The following OGDHL variants were observed in gnomAD, a reference collection of about 807,000 sequenced individuals.
OGDHL encodes the protein oxoglutarate dehydrogenase L.
In OGDHL, 79 loss-of-function variants were observed where a neutral mutation model predicts 109.6. The observed-to-expected ratio is 0.72, with a 90% CI of 0.60 to 0.87. The LOEUF (loss-of-function observed/expected upper bound fraction) is 0.87. Ranked by LOEUF, OGDHL falls within the 40% of genes least tolerant of loss-of-function variation. OGDHL has a pLI of 0.00. For missense variants in OGDHL, 1,275 were observed against 1,362.2 expected (o/e 0.94, Z 1.01); for synonymous variants, 528 against 537.2 (o/e 0.98, Z 0.24).
At chr10:49,744,146 C>T (rs1356243638) in intron 13 of OGDHL, 24 bp from the exon 14 acceptor site, 2 of 1,611,206 alleles carry the variant, frequency 1.2e-6, no homozygotes, top group African/African-American at 1.3e-5. Context: ...AGGCTCTGTC[C>T]ACACTGTGTC....
At chr10:49,750,721 C>CCCA in intron 7 of OGDHL, 118 bp downstream of exon 7, 1 of 1,358,038 alleles carries the variant, frequency 7.4e-7, no homozygotes. Context: ...TTCCAGGAAA[C>CCCA]CCACCTCTAC....
chr10:49,742,777 C>T, intron 15 of OGDHL, 51 bp downstream of exon 15: 1 of 1,574,990 alleles, frequency 6.3e-7, no homozygotes. Context: ...AAGCCAGGCC[C>T]AGCTTCTGCT....
At chr10:49,749,879 C>G (rs1049193963) in intron 7 of OGDHL, 63 bp from the exon 8 acceptor site, 54 of 1,415,336 alleles carry the variant, frequency 3.8e-5, no homozygotes, top group South Asian at 2.5e-4. Context: ...TTCCCTCCCC[C>G]ACTGTGGAGG....
chr10:49,749,856 G>T lies in OGDHL; in HGVS notation c.897-40C>A, dbSNP rs199705898. 17 of 1,529,452 alleles carry T rather than the reference G, an allele frequency of 1.1e-5. No individual in the cohort carries two copies. The East Asian group carries it at 3.3e-4, about 30-fold the overall frequency. The allele number at this position is 1,529,452 out of a possible 1,614,324, so 94.7% of individuals were successfully genotyped here. A position where few individuals can be genotyped will look rare whatever the true frequency, so the allele number is the denominator to read the frequency against. ...GCCGGGCTCTCACCTGGCAAAGCCC[G>T]CAGGCCTCAGGGTTCCCTCCCCCAC... On this transcript the variant is annotated intron_variant, in intron 7 of 22. Transcript: ENST00000374103.
In OGDHL at chr10:49,745,413, C is replaced by A; in HGVS notation, c.1560G>T (p.Gln520His). ...QPLMYKQIHR[Q>H]VPVLKKYADK... Reference sequence around the variant, plus strand: ...CTGCGTACTTCTTCAGCACAGGCACCTGTCTGTGGATCTGCTTGTACATGA... The same window carrying A: ...CTGCGTACTTCTTCAGCACAGGCACATGTCTGTGGATCTGCTTGTACATGA... Residue 520 changes from glutamine to histidine, a missense_variant, in exon 12 of 23, where the codon CAG (glutamine) becomes CAT (histidine). Transcript: ENST00000374103. 26 of 1,614,120 alleles carry A rather than the reference C, an allele frequency of 1.6e-5. No homozygotes were observed. The highest frequency in any genetic ancestry group is 2.2e-5 in the Non-Finnish European group (26 of 1,180,026).
intron 1 of OGDHL, among the ~76,000 whole-genome samples, chr10:49,759,613 C>T (rs1470745715): frequency 6.6e-6 from 1 of 150,544 alleles, no homozygotes; most frequent in African/African-American, 2.4e-5. Flanking sequence ...TCCCAGATCA[C>T]CCCATACCCC....
chr10:49,756,767 G>A lies in OGDHL; in HGVS notation c.375+9C>T, dbSNP rs1842941483. On this transcript the variant is annotated intron_variant, in intron 3 of 22. Coordinates refer to ENST00000374103, the MANE Select transcript of OGDHL (RefSeq NM_018245.3). The stretch of plus-strand genomic sequence containing the variant: ...CAGCCTCCCAGGCTGTGCCTCAGCT[G>A]CCCCTCACCTGGTAGGCCCGGATCA... 1.2e-6 allele frequency: 2 copies of A among 1,609,978 alleles called. No homozygotes were observed. The highest frequency in any genetic ancestry group is 8.5e-7 in the Non-Finnish European group (1 of 1,177,844).
At chr10:49,744,268 G>T in intron 13 of OGDHL, 146 bp from the exon 14 acceptor site, 1 of 1,036,682 alleles carries the variant, frequency 9.6e-7, no homozygotes, top group Non-Finnish European at 1.4e-6. Flanking sequence ...CTTGGGACCT[G>T]GGACAGCTGG....
At chr10:49,758,231 G>A (rs1465629764) in intron 2 of OGDHL, among the ~76,000 whole-genome samples, 158 bp downstream of exon 2, 1 of 152,234 alleles carries the variant, frequency 6.6e-6, no homozygotes, top group African/African-American at 2.4e-5. Context: ...TCAGCAAAGG[G>A]AAAGCAACAG....
intron 3 of OGDHL, among the ~76,000 whole-genome samples, chr10:49,753,427 T>C (rs1435688007): frequency 1.3e-5 from 2 of 152,142 alleles, no homozygotes; most frequent in African/African-American, 4.8e-5. Context: ...TAAAACAAAA[T>C]TAAGTCTTAA....
At chr10:49,742,324 CCA>C (rs773537717) in intron 15 of OGDHL, among the ~76,000 whole-genome samples, 8 of 129,528 alleles carry the variant, frequency 6.2e-5, no homozygotes, top group Non-Finnish European at 1.3e-4. Flanking sequence ...ACCACAAACA[CCA>C]CACACGACAC....
intron 15 of OGDHL, among the ~76,000 whole-genome samples, chr10:49,741,871 CACCACACAT>C (rs770931902): frequency 4.0e-5 from 6 of 148,598 alleles, no homozygotes; most frequent in Non-Finnish European, 7.4e-5. Flanking sequence ...ACACTACACA[CACCACACAT>C]ACCACACACA....
intron 1 of OGDHL, 97 bp downstream of exon 1, chr10:49,762,142 C>G (rs1393410315): frequency 6.5e-6 from 1 of 153,526 alleles, no homozygotes; most frequent in East Asian, 1.9e-4. Context: ...GCAGCGGCGC[C>G]CCAGGACCCA....
At position 49,749,593 on chromosome 10, in the gene OGDHL, C is replaced by G. The variant is rs1215783237; in HGVS notation, c.987+133G>C. The G allele has an allele frequency of 9.2e-6, 7 of 758,884 alleles. No individual in the cohort carries two copies. In the African/African-American group the frequency reaches 1.2e-4, roughly 13 times the overall value. 47.0% of individuals were successfully genotyped at this position (758,884 alleles called of 1,614,324 possible). A position where few individuals can be genotyped will look rare whatever the true frequency, so the allele number is the denominator to read the frequency against. On this transcript the variant is annotated intron_variant, in intron 8 of 22. Transcript: ENST00000374103. The stretch of plus-strand genomic sequence containing the variant: ...GTCCTCAGGCAAACACCCAGCCTCT[C>G]TCCTGCAGGCTTCTCCAATGCATCC...
At chr10:49,737,666 T>C (rs1754252834) in intron 20 of OGDHL, 120 bp downstream of exon 20, 3 of 1,068,694 alleles carry the variant, frequency 2.8e-6, no homozygotes, top group African/African-American at 1.6e-5. Flanking sequence ...TGCCAGGAGC[T>C]GCTGCAGGTC....
intron 13 of OGDHL, 51 bp from the exon 14 acceptor site, chr10:49,744,173 C>G (rs1206887624): frequency 3.1e-6 from 5 of 1,596,304 alleles, no homozygotes; most frequent in East Asian, 4.5e-5. Flanking sequence ...GGGTTCTGAT[C>G]CCCCTGGCCA....
In OGDHL at chr10:49,735,021, A is replaced by C; in HGVS notation, c.*207T>G. 1 of 531,602 alleles carries C rather than the reference A, an allele frequency of 1.9e-6. No homozygotes were observed. The allele number at this position is 531,602 out of a possible 1,614,324, so 32.9% of individuals were successfully genotyped here. ...GATGCTCCAGCACAGTAGCCTGCCT[A>C]TAGGACTCCTCTGGCTCCCTCAGTC... On this transcript the variant is annotated 3_prime_UTR_variant, in exon 23 of 23. Coordinates refer to ENST00000374103, the MANE Select transcript of OGDHL (RefSeq NM_018245.3).
At chr10:49,754,151 A>G (rs1025022861) in intron 3 of OGDHL, among the ~76,000 whole-genome samples, 2 of 152,206 alleles carry the variant, frequency 1.3e-5, no homozygotes. Flanking sequence ...CAATAGCAGG[A>G]AACAGCCAGA....
At chr10:49,755,106 T>C (rs1363536454) in intron 3 of OGDHL, among the ~76,000 whole-genome samples, 1 of 152,152 alleles carries the variant, frequency 6.6e-6, no homozygotes, top group Non-Finnish European at 1.5e-5. Context: ...CAGCCAGGCG[T>C]GGTGGCAAGC....
Sources: allele counts gnomAD v4.1 joint callset (sites outside exome capture counted in the v4.1 genomes callset), GRCh38; gene constraint gnomAD v4.1.1; transcripts MANE v1.5; gene names NCBI Gene and HGNC (gene_info 2026-07-23, HGNC 2026-07-21).